The following DPF1 variants were observed in gnomAD, a reference collection of about 807,000 sequenced individuals.
DPF1 encodes zinc finger protein neuro-d4.
In DPF1, 14 loss-of-function variants were observed where a neutral mutation model predicts 58.7. That is an observed-to-expected ratio of 0.24 (90% CI 0.16 to 0.37). The LOEUF is 0.37. Ranked by LOEUF, DPF1 falls within the 10% of genes least tolerant of loss-of-function variation. The pLI, the probability that DPF1 is intolerant of heterozygous loss-of-function variation, is 1.00. For synonymous variants in DPF1, 216 were observed against 216.0 expected (o/e 1.00, Z 0.00); for missense variants, 345 against 529.9 (o/e 0.65, Z 3.43).
Position 38,222,193 on chromosome 19 carries a change from G to A in DPF1, c.298+164C>T, listed in dbSNP as rs978301777. Among the ~76,000 whole-genome samples the A allele has an allele frequency of 2.6e-5, 4 of 152,194 alleles. No individual in the cohort carries two copies. The highest frequency in any genetic ancestry group is 7.2e-5 in the African/African-American group (3 of 41,460). On this transcript the variant is annotated intron_variant, in intron 3 of 11. Transcript: ENST00000355526. This position sits in a 1 kb window ranked among gnomAD's most constrained non-coding sequence, Gnocchi z 4.9. ...GATGCAGTCGCCACTCAGTGACTCA[G>A]AGAAACTGTGGAATCTCTGGGAAAC...
chr19:38,212,147 C>G lies in DPF1; in HGVS notation c.1094-14G>C. ...AGCTCCAGCTCCCTGCGGGGGCAGCCGAAGCTGAAGTCAGGCCCGGGTCCG... is the reference window on the plus strand; with the variant it reads ...AGCTCCAGCTCCCTGCGGGGGCAGCGGAAGCTGAAGTCAGGCCCGGGTCCG... On this transcript the variant is annotated splice_polypyrimidine_tract_variant and intron_variant, in intron 11 of 11. Transcript: ENST00000355526. The G allele has an allele frequency of 6.2e-7, 1 of 1,607,056 alleles. No individual in the cohort carries two copies. The highest frequency in any genetic ancestry group is 8.5e-7 in the Non-Finnish European group (1 of 1,177,958).
At chr19:38,218,856 C>T (rs1429972991) in intron 4 of DPF1, 75 bp downstream of exon 4, 6 of 1,591,134 alleles carry the variant, frequency 3.8e-6, no homozygotes, top group African/African-American at 1.3e-5. Flanking sequence ...AGAGCAGGAA[C>T]GTGAGGGCCC....
At chr19:38,212,709 G>C (rs1973542761) in intron 10 of DPF1, among the ~76,000 whole-genome samples, 1 of 151,268 alleles carries the variant, frequency 6.6e-6, no homozygotes, top group African/African-American at 2.4e-5. Flanking sequence ...ACTCCTTGGG[G>C]CTCAAGTGAT....
rs368544567 is a variant in DPF1, at chr19:38,218,983, G to T, written c.374C>A (p.Thr125Lys). ...CTTCAGCTCAATCTTCTTCTCCCCC[G>T]TCTCTGCACACAGTAGAGCCTCGAG... ...PVLEALLCAETGEKKIELKEE... is the reference protein window; with the variant it reads ...PVLEALLCAEKGEKKIELKEE... Residue 125 changes from threonine (T) to lysine (K), a missense_variant, in exon 4 of 12, where the codon ACG becomes AAG. By Grantham distance (78) the Thr-to-Lys change is moderately conservative. Transcript: ENST00000355526. The T allele has an allele frequency of 2.5e-6, 4 of 1,614,168 alleles. No individual in the cohort carries two copies. The East Asian group carries it at 8.9e-5, about 36-fold the overall frequency.
In DPF1 at chr19:38,217,549, T is replaced by C; in HGVS notation, c.638A>G (p.His213Arg). ...CTCGGCCAGGTGGGTGTGGGTGTAG[T>C]GGTAGCTGAGCCCCGGCCGGTTCTT... ...RYKNRPGLSY[H>R]YTHTHLAEEE... Residue 213 changes from histidine to arginine, a missense_variant, in exon 7 of 12, where the codon CAC becomes CGC. Transcript: ENST00000355526. 6.4e-7 allele frequency: 1 copy of C among 1,551,366 alleles called. No individual in the cohort carries two copies. The highest frequency in any genetic ancestry group is 8.7e-7 in the Non-Finnish European group (1 of 1,146,884).
At chr19:38,223,453 G>GA (rs1323907963) in intron 1 of DPF1, among the ~76,000 whole-genome samples, 1 of 151,834 alleles carries the variant, frequency 6.6e-6, no homozygotes, top group African/African-American at 2.4e-5. Context: ...AAAGATGCAC[G>GA]ATGCGCAACC....
At chr19:38,225,256 A>C (rs1967764967), upstream of DPF1, among the ~76,000 whole-genome samples, 1 of 136,682 alleles carries the variant, frequency 7.3e-6, no homozygotes, top group South Asian at 2.3e-4. Context: ...AAAATAAATA[A>C]ATAAATAATA....
In DPF1 at chr19:38,222,271, C is replaced by T; in HGVS notation, c.298+86G>A. The T allele has an allele frequency of 8.3e-7, 1 of 1,202,190 alleles. No individual in the cohort carries two copies. Among genetic ancestry groups the T allele is most frequent in the Non-Finnish European group, 1.2e-6 (1 of 851,044 alleles). The allele number at this position is 1,202,190 out of a possible 1,614,324, so 74.5% of individuals were successfully genotyped here. A position where few individuals can be genotyped will look rare whatever the true frequency, so the allele number is the denominator to read the frequency against. On this transcript the variant is annotated intron_variant, in intron 3 of 11. Coordinates refer to ENST00000355526, the MANE Select transcript of DPF1 (RefSeq NM_001135155.3). This position sits in a 1 kb window ranked among gnomAD's most constrained non-coding sequence, Gnocchi z 4.9. The stretch of plus-strand genomic sequence containing the variant: ...ACACAGCCAGCCAGGCAGACACTTG[C>T]TAGAAGGCGATAAAGGTGATGGACG...
chr19:38,222,738 G>A lies in DPF1; in HGVS notation c.30-30C>T. The A allele has an allele frequency of 6.5e-7, 1 of 1,549,782 alleles. No individual in the cohort carries two copies. The highest frequency in any genetic ancestry group is 1.4e-5 in the African/African-American group (1 of 71,048). On this transcript the variant is annotated intron_variant, in intron 1 of 11. Transcript: ENST00000355526. The surrounding 1 kb of genome is among the most constrained non-coding windows in gnomAD (Gnocchi z 4.9). Reference sequence around the variant, plus strand: ...AGGGGCGGCGAACGGGCGGGCGGCTGTCAGCAAGGGCAGGCGCACAGGGTC... The same window carrying A: ...AGGGGCGGCGAACGGGCGGGCGGCTATCAGCAAGGGCAGGCGCACAGGGTC...
Position 38,211,769 on chromosome 19 carries a change from A to G in DPF1, c.*294T>C, listed in dbSNP as rs1206433023. On this transcript the variant is annotated 3_prime_UTR_variant, in exon 12 of 12. Coordinates refer to ENST00000355526, the MANE Select transcript of DPF1 (RefSeq NM_001135155.3). This position sits in a 1 kb window ranked among gnomAD's most constrained non-coding sequence, Gnocchi z 4.0. ...GGCTCTGTCCATGCCCCTGGCTGGC[A>G]CCCACCACCCCCCATGCCCGCCCAG... 1 of 440,606 alleles carries G rather than the reference A, an allele frequency of 2.3e-6. No homozygotes were observed. Among genetic ancestry groups the G allele is most frequent in the African/African-American group, 2.3e-5 (1 of 42,670 alleles). The allele number at this position is 440,606 out of a possible 1,614,324, so 27.3% of individuals were successfully genotyped here.
At chr19:38,215,916 T>A (rs897429046) in intron 9 of DPF1, among the ~76,000 whole-genome samples, 4 of 152,152 alleles carry the variant, frequency 2.6e-5, no homozygotes, top group Non-Finnish European at 5.9e-5. Context: ...CTACCCACAG[T>A]GCCATGAGAG....
chr19:38,223,898 G>C (rs972487395), intron 1 of DPF1: 9 of 491,444 alleles, frequency 1.8e-5, no homozygotes, highest in Non-Finnish European at 2.6e-5. Context: ...AAAGAATCTG[G>C]AGGCCCCCCA....
At chr19:38,217,302 A>G (rs571207249) in intron 7 of DPF1, 158 bp downstream of exon 7, 44 of 998,962 alleles carry the variant, frequency 4.4e-5, no homozygotes, top group Non-Finnish European at 4.3e-6. Context: ...TGCCATGGCA[A>G]CCCCGGAGCC....
At chr19:38,228,940 G>T (rs1427629044), upstream of DPF1, among the ~76,000 whole-genome samples, 1 of 151,974 alleles carries the variant, frequency 6.6e-6, no homozygotes, top group Non-Finnish European at 1.5e-5. Context: ...CCCGTTTGAT[G>T]TGTATGCGCG....
upstream of DPF1, among the ~76,000 whole-genome samples, chr19:38,226,503 T>TATACACAC (rs1967827506): frequency 7.5e-6 from 1 of 133,702 alleles, no homozygotes; most frequent in Non-Finnish European, 1.6e-5. Flanking sequence ...CGGTCACTTC[T>TATACACAC]ACACACACAC....
intron 7 of DPF1, 109 bp downstream of exon 7, chr19:38,217,351 C>T (rs1362861893): frequency 7.1e-7 from 1 of 1,407,662 alleles, no homozygotes; most frequent in African/African-American, 1.4e-5. Flanking sequence ...AACGGCTGAG[C>T]TGGAGATTTT....
At chr19:38,220,481 C>T (rs1297144069) in intron 3 of DPF1, among the ~76,000 whole-genome samples, 2 of 151,268 alleles carry the variant, frequency 1.3e-5, no homozygotes, top group Non-Finnish European at 2.9e-5. Flanking sequence ...ATTAGCTGGG[C>T]GTAGTGGCAG....
At chr19:38,212,448 G>A in intron 10 of DPF1, 87 bp from the exon 11 acceptor site, 1 of 595,820 alleles carries the variant, frequency 1.7e-6, no homozygotes, top group East Asian at 2.9e-5. Flanking sequence ...GCTAGGTCAA[G>A]GGGGCTGGGG....
rs781399025 is a variant in DPF1, at chr19:38,217,822, G to C, written c.571C>G (p.Arg191Gly). Residue 191 changes from arginine to glycine, a missense_variant, in exon 6 of 12, where the codon CGA becomes GGA. Arg to Gly is a moderately radical substitution (Grantham distance 125). Coordinates refer to ENST00000355526, the MANE Select transcript of DPF1 (RefSeq NM_001135155.3). Reference protein sequence around the residue: ...KRQDTASLEDRDKPYVCDICG... With the variant: ...KRQDTASLEDGDKPYVCDICG... The stretch of plus-strand genomic sequence containing the variant: ...CTATCACAGACATACGGCTTGTCTC[G>C]GTCCTCCAGGGAAGCGGTGTCCTGG... 1 of 1,613,984 alleles carries C rather than the reference G, an allele frequency of 6.2e-7. No individual in the cohort carries two copies. Among genetic ancestry groups the C allele is most frequent in the Non-Finnish European group, 8.5e-7 (1 of 1,180,004 alleles).
Sources: gnomAD v4.1 joint callset for allele counts (sites outside exome capture counted in the v4.1 genomes callset) on GRCh38, gnomAD v4.1.1 for gene constraint, Gnocchi (gnomAD v3.1) non-coding constraint, MANE v1.5 for transcripts, NCBI Gene and HGNC (gene_info 2026-07-23, HGNC 2026-07-21) for gene names.